The following UNC79 variants were observed in gnomAD, a reference collection of about 807,000 sequenced individuals.
The protein encoded by UNC79 is protein unc-79 homolog.
A neutral mutation model predicts 283.1 loss-of-function variants in UNC79; 37 were observed. The ratio of observed to expected loss-of-function variants is 0.13; its 90% CI spans 0.10 to 0.17. UNC79 has a LOEUF of 0.17. UNC79 is among the 10% of genes least tolerant of loss of function. The pLI is 1.00. For missense variants in UNC79, 2,272 were observed against 3,211.1 expected (o/e 0.71, Z 7.07); for synonymous variants, 1,107 against 1,200.2 (o/e 0.92, Z 1.61).
chr14:93,390,332 G>A (rs1228376089), intron 1 of UNC79, among the ~76,000 whole-genome samples: 3 of 152,046 alleles, frequency 2.0e-5, no homozygotes, highest in African/African-American at 7.2e-5. Context: ...CCTGATAAAA[G>A]GTTTCTACAG....
chr14:93,333,484 A>G, exon 1 of UNC79: 1 of 398,616 alleles, frequency 2.5e-6, no homozygotes, highest in Non-Finnish European at 4.4e-6. Context: ...CAGTCCTGGC[A>G]TTCCGGTGGC....
chr14:93,478,091 A>G lies in UNC79; in HGVS notation c.619+363A>G, dbSNP rs559278617. Among the ~76,000 whole-genome samples the G allele has an allele frequency of 1.0e-3, 157 of 152,336 alleles. 1 individual carries two copies. Among genetic ancestry groups the G allele is most frequent in the African/African-American group, 3.6e-3 (148 of 41,586 alleles). On this transcript the variant is annotated intron_variant, in intron 4 of 48. Coordinates refer to ENST00000555664, the Ensembl canonical transcript of UNC79. Reference sequence around the variant, plus strand: ...ATTCCTATCTTTTGGCTTTGAAGGCAGTAGGATCTAATAGAAAGAGCATTA... The same window carrying G: ...ATTCCTATCTTTTGGCTTTGAAGGCGGTAGGATCTAATAGAAAGAGCATTA...
intron 45 of UNC79, chr14:93,691,438 C>A: frequency 2.1e-6 from 1 of 480,292 alleles, no homozygotes; most frequent in Non-Finnish European, 3.8e-6. Context: ...GATTATTCTC[C>A]CTAATCTAGT....
chr14:93,489,082 C>T (rs1433325953), intron 5 of UNC79, among the ~76,000 whole-genome samples: 1 of 152,184 alleles, frequency 6.6e-6, no homozygotes, highest in Non-Finnish European at 1.5e-5. Flanking sequence ...GCTGGGACTA[C>T]AGGCATGTGT....
intron 14 of UNC79, 60 bp downstream of exon 14, chr14:93,542,756 C>A (rs2141207266): frequency 1.3e-6 from 2 of 1,555,950 alleles, no homozygotes; most frequent in South Asian, 2.2e-5. Context: ...AGAAGTGCTG[C>A]CTTAGCCATG....
At chr14:93,646,424 C>G (rs1253331229) in intron 34 of UNC79, among the ~76,000 whole-genome samples, 184 bp from the exon 38 acceptor site, 3 of 152,132 alleles carry the variant, frequency 2.0e-5, no homozygotes, top group Non-Finnish European at 4.4e-5. Context: ...GTCTCAAGGA[C>G]TAGGTCAAGT....
chr14:93,431,411 C>T (rs1457203749), intron 1 of UNC79, among the ~76,000 whole-genome samples: 1 of 151,472 alleles, frequency 6.6e-6, no homozygotes, highest in Non-Finnish European at 1.5e-5. Flanking sequence ...AGGGGGGTAG[C>T]GGCAAATCAG....
intron 1 of UNC79, among the ~76,000 whole-genome samples, chr14:93,363,401 G>A (rs931778994): frequency 2.6e-5 from 4 of 152,192 alleles, no homozygotes; most frequent in African/African-American, 9.6e-5. Context: ...TGGGTTTAAA[G>A]TATGTGCCAT....
Position 93,456,865 on chromosome 14 carries a change from A to G in UNC79, c.23-10806A>G, listed in dbSNP as rs77487412. The stretch of plus-strand genomic sequence containing the variant: ...GTCTGTTTGGCCTTCTGACTCTGGA[A>G]TGGGTATTCTTTGATCTCACTCCAT... On this transcript the variant is annotated intron_variant, in intron 1 of 48. Transcript: ENST00000555664. 1.0e-3 allele frequency among the ~76,000 whole-genome samples: 157 copies of G among 152,280 alleles called. 1 individual carries two copies. In the East Asian group the frequency reaches 0.028, roughly 27 times the overall value.
intron 35 of UNC79, among the ~76,000 whole-genome samples, chr14:93,652,851 TATTA>T: frequency 6.6e-6 from 1 of 152,196 alleles, no homozygotes; most frequent in Non-Finnish European, 1.5e-5. Context: ...ATAATGGCTT[TATTA>T]ATTTTAGTTT....
intron 1 of UNC79, among the ~76,000 whole-genome samples, chr14:93,457,809 T>A (rs1310817808): frequency 6.6e-6 from 1 of 152,188 alleles, no homozygotes; most frequent in Non-Finnish European, 1.5e-5. Flanking sequence ...ATTAAGGTGA[T>A]GTCAATGTGG....
intron 1 of UNC79, among the ~76,000 whole-genome samples, chr14:93,392,848 T>A (rs767125845): frequency 1.1e-4 from 16 of 152,338 alleles, no homozygotes; most frequent in Non-Finnish European, 1.2e-4. Context: ...TGGACTGTCA[T>A]TGGTGATAGG....
At chr14:93,696,124 A>G (rs1402835096) in intron 47 of UNC79, among the ~76,000 whole-genome samples, 2 of 152,030 alleles carry the variant, frequency 1.3e-5, no homozygotes, top group Non-Finnish European at 2.9e-5. Flanking sequence ...AATCCATGTT[A>G]TTGCATGTAG....
At chr14:93,346,984 G>A (rs1299012923) in intron 1 of UNC79, among the ~76,000 whole-genome samples, 3 of 151,746 alleles carry the variant, frequency 2.0e-5, no homozygotes, top group African/African-American at 7.3e-5. Flanking sequence ...GGTGTGCTGG[G>A]TGGAAGGGGT....
intron 46 of UNC79, 92 bp downstream of exon 49, chr14:93,692,038 A>C: frequency 9.1e-6 from 13 of 1,427,106 alleles, no homozygotes; most frequent in South Asian, 1.2e-5. Context: ...CACAGATCTC[A>C]GTTGTAAGGT....
intron 24 of UNC79, among the ~76,000 whole-genome samples, chr14:93,598,400 GT>G (rs763175830): frequency 2.4e-3 from 360 of 151,700 alleles, no homozygotes; most frequent in Middle Eastern, 0.01. Context: ...GTGTGTGTGT[GT>G]GTGTGTGTGG....
Position 93,474,474 on chromosome 14 carries a change from G to A in UNC79, c.448+81G>A. On this transcript the variant is annotated intron_variant, in intron 3 of 48. Transcript: ENST00000555664. This position sits in a 1 kb window ranked among gnomAD's most constrained non-coding sequence, Gnocchi z 4.1. ...GATGCTGAGCAAGGGGCTTGGAGAT[G>A]GTCACTGTTGTAATCAATCACCTGA... is the stretch of plus-strand genomic sequence containing the variant. 6.9e-7 allele frequency: 1 copy of A among 1,440,580 alleles called. No individual in the cohort carries two copies. Among genetic ancestry groups the A allele is most frequent in the South Asian group, 1.4e-5 (1 of 72,296 alleles). The allele number at this position is 1,440,580 out of a possible 1,614,324, so 89.2% of individuals were successfully genotyped here. A position where few individuals can be genotyped will look rare whatever the true frequency, so the allele number is the denominator to read the frequency against.
At chr14:93,451,373 A>G (rs1164175634) in intron 1 of UNC79, among the ~76,000 whole-genome samples, 1 of 151,646 alleles carries the variant, frequency 6.6e-6, no homozygotes, top group Non-Finnish European at 1.5e-5. Context: ...AAGGAAGGAG[A>G]AAAAAAAAGA....
chr14:93,627,840 A>G (rs2067687897), intron 30 of UNC79, among the ~76,000 whole-genome samples: 1 of 152,234 alleles, frequency 6.6e-6, no homozygotes, highest in Non-Finnish European at 1.5e-5. Context: ...TTAACATTTA[A>G]CTGAGCATCT....
Sources: allele counts gnomAD v4.1 joint callset (sites outside exome capture counted in the v4.1 genomes callset), GRCh38; gene constraint gnomAD v4.1.1; non-coding constraint Gnocchi (gnomAD v3.1); transcripts MANE v1.5; gene names NCBI Gene and HGNC (gene_info 2026-07-23, HGNC 2026-07-21).